The following TBC1D19 variants were observed in gnomAD, a reference collection of about 807,000 sequenced individuals.
TBC1D19 encodes the protein TBC1 domain family, member 19.
In TBC1D19, 60 loss-of-function variants were observed where a neutral mutation model predicts 89.0. The observed-to-expected ratio is 0.67, with a 90% CI of 0.55 to 0.84. The LOEUF is 0.84. Among genes scored for constraint, TBC1D19 ranks in the 40% least tolerant of loss-of-function variants. The probability of loss-of-function intolerance (pLI) is 0.00; values close to 1 mark genes in which losing one functional copy is unlikely to be tolerated. For synonymous variants in TBC1D19, 189 were observed against 199.7 expected, an observed-to-expected ratio of 0.95 and a Z score of 0.45; for missense variants, 500 against 610.8, an observed-to-expected ratio of 0.82 and a Z score of 1.91.
intron 1 of TBC1D19, among the ~76,000 whole-genome samples, chr4:26,596,830 A>G (rs1002615175): frequency 9.9e-5 from 15 of 151,880 alleles, no homozygotes; most frequent in African/African-American, 3.1e-4. Context: ...ATCTTCTACA[A>G]TTTTTCTAAT....
chr4:26,773,583 G>A, the TBC1D19 span, among the ~76,000 whole-genome samples: 1 of 152,066 alleles, frequency 6.6e-6, no homozygotes, highest in East Asian at 1.9e-4. Flanking sequence ...TTCTTCTAGG[G>A]TTTTTATAGT....
At chr4:26,773,549 G>A in the TBC1D19 span, among the ~76,000 whole-genome samples, 3 of 152,112 alleles carry the variant, frequency 2.0e-5, no homozygotes, top group African/African-American at 4.8e-5. Context: ...CCATGCCTAC[G>A]TCCTGAATGG....
chr4:26,809,650 T>C, the TBC1D19 span, among the ~76,000 whole-genome samples: 3 of 152,130 alleles, frequency 2.0e-5, no homozygotes, highest in South Asian at 6.2e-4. Context: ...AGCAGGTGTA[T>C]GGCTGAGCAG....
chr4:26,622,918 G>T (rs1742152241), intron 4 of TBC1D19, among the ~76,000 whole-genome samples: 1 of 152,052 alleles, frequency 6.6e-6, no homozygotes, highest in African/African-American at 2.4e-5. Context: ...TTTATCGTCA[G>T]CATCTAGCAT....
At chr4:26,672,450 G>A (rs116146404) in intron 10 of TBC1D19, among the ~76,000 whole-genome samples, 2,954 of 152,028 alleles carry the variant, frequency 0.019, 99 homozygotes, top group African/African-American at 0.067. Flanking sequence ...ATTCCTCAGG[G>A]ATGTTAGCTT....
chr4:26,624,453 T>G (rs575775189), intron 4 of TBC1D19, among the ~76,000 whole-genome samples: 1 of 152,282 alleles, frequency 6.6e-6, no homozygotes, highest in African/African-American at 2.4e-5. Context: ...CTCAGCTCAC[T>G]GCAACCTCAG....
chr4:26,673,444 TATACACACAC>T (rs1277028774), intron 10 of TBC1D19, among the ~76,000 whole-genome samples: 3 of 78,378 alleles, frequency 3.8e-5, no homozygotes, highest in Non-Finnish European at 7.3e-5. Context: ...TATATATATA[TATACACACAC>T]ACACACACAC....
the TBC1D19 span, among the ~76,000 whole-genome samples, chr4:26,830,717 T>C: frequency 6.6e-5 from 10 of 152,192 alleles, no homozygotes; most frequent in Non-Finnish European, 1.2e-4. Flanking sequence ...TTTTATAAAA[T>C]AAAGTGATTG....
intron 11 of TBC1D19, among the ~76,000 whole-genome samples, chr4:26,678,113 TC>T (rs1343208753): frequency 1.3e-5 from 2 of 152,290 alleles, no homozygotes; most frequent in African/African-American, 2.4e-5. Context: ...GTTTGGAACT[TC>T]CTAGAGACTT....
At chr4:26,636,687 C>T (rs1298221477) in intron 4 of TBC1D19, among the ~76,000 whole-genome samples, 1 of 151,740 alleles carries the variant, frequency 6.6e-6, no homozygotes, top group Non-Finnish European at 1.5e-5. Flanking sequence ...TATTAATTTT[C>T]TTAGGTATGA....
chr4:26,851,803 G>A, the TBC1D19 span, among the ~76,000 whole-genome samples: 4 of 152,058 alleles, frequency 2.6e-5, no homozygotes, highest in African/African-American at 7.2e-5. Context: ...TGCAACCTCC[G>A]CCTCCCAGGT....
chr4:26,654,419 C>A lies in TBC1D19; in HGVS notation c.481-5178C>A, dbSNP rs957152828. ...GTATTTCCTGCATTTGAATGTTGGC[C>A]TGCCTTGCTAGATTGAGGAAGTTCT... On this transcript the variant is annotated intron_variant, in intron 7 of 20. Coordinates refer to ENST00000264866, the MANE Select transcript of TBC1D19 (RefSeq NM_018317.4). 5.9e-5 allele frequency among the ~76,000 whole-genome samples: 9 copies of A among 152,262 alleles called. 1 individual carries two copies. The South Asian group carries it at 1.9e-3, about 32-fold the overall frequency.
intron 1 of TBC1D19, among the ~76,000 whole-genome samples, chr4:26,609,238 G>A (rs544587836): frequency 1.3e-5 from 2 of 152,038 alleles, no homozygotes; most frequent in African/African-American, 4.8e-5. Context: ...ATAGAATGTG[G>A]TTTGGGCAAT....
At chr4:26,679,518 G>T (rs1016583043) in intron 11 of TBC1D19, among the ~76,000 whole-genome samples, 1 of 152,204 alleles carries the variant, frequency 6.6e-6, no homozygotes, top group African/African-American at 2.4e-5. Context: ...CCCTCATGGA[G>T]AACCTCTGGT....
the TBC1D19 span, among the ~76,000 whole-genome samples, chr4:26,810,241 C>A: frequency 6.6e-6 from 1 of 152,206 alleles, no homozygotes; most frequent in African/African-American, 2.4e-5. Flanking sequence ...TTTCCTGACC[C>A]ATTTCCCCTC....
At chr4:26,648,575 CTGAA>C (rs1744118355) in intron 7 of TBC1D19, among the ~76,000 whole-genome samples, 1 of 152,166 alleles carries the variant, frequency 6.6e-6, no homozygotes, top group East Asian at 1.9e-4. Context: ...TAAATATTTA[CTGAA>C]TGAATGAATA....
the TBC1D19 span, among the ~76,000 whole-genome samples, chr4:26,816,349 A>C: frequency 6.6e-6 from 1 of 152,226 alleles, no homozygotes; most frequent in Admixed American, 6.5e-5. Flanking sequence ...ATGTTTTCAC[A>C]AAAGAAGTCC....
chr4:26,779,815 C>T, the TBC1D19 span, among the ~76,000 whole-genome samples: 1 of 152,198 alleles, frequency 6.6e-6, no homozygotes, highest in African/African-American at 2.4e-5. Flanking sequence ...CTCACTCCAG[C>T]TTATAATTTA....
chr4:26,798,592 G>A, the TBC1D19 span, among the ~76,000 whole-genome samples: 9 of 152,012 alleles, frequency 5.9e-5, no homozygotes, highest in South Asian at 2.1e-4. Flanking sequence ...AAAGTCACCC[G>A]CATTCATATG....
Sources: allele counts gnomAD v4.1 joint callset (sites outside exome capture counted in the v4.1 genomes callset), GRCh38; gene constraint gnomAD v4.1.1; transcripts MANE v1.5; gene names NCBI Gene and HGNC (gene_info 2026-07-23, HGNC 2026-07-21).